CELSR1: variants seen among roughly 807,000 people sequenced by gnomAD.
CELSR1 encodes adhesion G protein-coupled receptor C1.
In CELSR1, 110 loss-of-function variants were observed where a neutral mutation model predicts 249.1. That is an observed-to-expected ratio of 0.44 (90% CI 0.38 to 0.52). CELSR1 has a LOEUF of 0.52. CELSR1 is among the 20% of genes least tolerant of loss of function. The pLI is 0.00. For synonymous variants in CELSR1, 2,113 were observed against 1,900.0 expected (o/e 1.11, Z -2.92); for missense variants, 4,109 against 4,296.4 (o/e 0.96, Z 1.22).
At position 46,398,041 on chromosome 22, in the gene CELSR1, G is replaced by A. The variant is rs1334214265; in HGVS notation, c.5527-193C>T. Among the ~76,000 whole-genome samples, 2 of 152,202 alleles carry A rather than the reference G, an allele frequency of 1.3e-5. No individual in the cohort carries two copies. Among genetic ancestry groups the A allele is most frequent in the Non-Finnish European group, 2.9e-5 (2 of 68,020 alleles). ...GCCGGAGTGCAGTGGAGGGCTGGGTGAGGAGCTCAGAGGGCACGCCAGCCT... is the reference window on the plus strand; with the variant it reads ...GCCGGAGTGCAGTGGAGGGCTGGGTAAGGAGCTCAGAGGGCACGCCAGCCT... On this transcript the variant is annotated intron_variant, in intron 11 of 34. Coordinates refer to ENST00000674500, the MANE Select transcript of CELSR1 (RefSeq NM_001378328.1). This position sits in a 1 kb window ranked among gnomAD's most constrained non-coding sequence, Gnocchi z 7.2.
At position 46,363,561 on chromosome 22, in the gene CELSR1, T is replaced by C. The variant is rs930224194; in HGVS notation, c.9036-314A>G. On this transcript the variant is annotated intron_variant, in intron 34 of 34. Coordinates refer to ENST00000674500, the MANE Select transcript of CELSR1 (RefSeq NM_001378328.1). This position sits in a 1 kb window ranked among gnomAD's most constrained non-coding sequence, Gnocchi z 4.3. ...AAGACCTGGCTTCTCCCTTGTGAGT[T>C]TGGAGGGAGGGAGGGGCGACAGGGA... The C allele has an allele frequency of 1.2e-5, 4 of 347,444 alleles. No homozygotes were observed. The Admixed American group carries it at 1.3e-4, about 11-fold the overall frequency. 21.5% of individuals were successfully genotyped at this position (347,444 alleles called of 1,614,324 possible).
At position 46,526,561 on chromosome 22, in the gene CELSR1, CA is replaced by C. The variant is rs2147804680; in HGVS notation, c.3544+7065del. Among the ~76,000 whole-genome samples the C allele has an allele frequency of 6.6e-6, 1 of 152,330 alleles. No homozygotes were observed. Among genetic ancestry groups the C allele is most frequent in the South Asian group, 2.1e-4 (1 of 4,828 alleles). On this transcript the variant is annotated intron_variant, in intron 1 of 34. Transcript: ENST00000674500. This position sits in a 1 kb window ranked among gnomAD's most constrained non-coding sequence, Gnocchi z 4.7. ...ACCAAGGACCTGCCCTTGGCTAACC[CA>C]TCACATCTCTGTCCCCAGGCTCTCC...
intron 1 of CELSR1, among the ~76,000 whole-genome samples, chr22:46,522,548 T>C (rs1449666803): frequency 1.3e-5 from 2 of 152,250 alleles, no homozygotes; most frequent in African/African-American, 4.8e-5. Flanking sequence ...TGTTGCTAAA[T>C]TGTAGGAGTT....
chr22:46,365,649 C>T lies in CELSR1; in HGVS notation c.8341G>A (p.Val2781Met). The T allele has an allele frequency of 6.3e-7, 1 of 1,588,904 alleles. No homozygotes were observed. The highest frequency in any genetic ancestry group is 2.3e-5 in the East Asian group (1 of 43,956). The change falls in exon 31 of 35, where the codon GTG becomes ATG. Residue 2781 changes from valine to methionine, a missense_variant. Around this residue, in one of 7 missense-constraint regions of CELSR1, gnomAD observed 1,805 missense variants for 1,831.6 expected, o/e 0.99. Coordinates refer to ENST00000674500, the MANE Select transcript of CELSR1 (RefSeq NM_001378328.1). ...TCTGGCTCTCCGTGGCTGCCCCTCA[C>T]CAGCCCAGAGGACACGCCGAGCTTC... ...IQKLGVSSGL[V>M]RGSHGEPDAS...
At chr22:46,371,769 A>T (rs1327587883) in intron 25 of CELSR1, among the ~76,000 whole-genome samples, 3 of 145,688 alleles carry the variant, frequency 2.1e-5, no homozygotes, top group Non-Finnish European at 4.5e-5. Context: ...CCACCTATTC[A>T]TCCACTCACA....
Position 46,537,153 on chromosome 22 carries a change from C to A in CELSR1, c.18G>T (p.Pro6=). 9.8e-7 allele frequency: 1 copy of A among 1,016,190 alleles called. No homozygotes were observed. The highest frequency in any genetic ancestry group is 1.2e-6 in the Non-Finnish European group (1 of 854,716). 62.9% of individuals were successfully genotyped at this position (1,016,190 alleles called of 1,614,324 possible). ...GGAGCAGCAGCACGGGCAGCACGGG[C>A]GGCGGCGGCGGCGCCATGGCCCGGA... MAPPP[P]PVLPVLLLLA... The change falls in exon 1 of 35, where the codon CCG becomes CCT. Residue 6 remains proline (P), a synonymous_variant. Transcript: ENST00000674500. The surrounding 1 kb of genome is among the most constrained non-coding windows in gnomAD (Gnocchi z 5.8).
chr22:46,364,517 C>G lies in CELSR1; in HGVS notation c.8774G>C (p.Arg2925Thr). 6.2e-7 allele frequency: 1 copy of G among 1,609,708 alleles called. No homozygotes were observed. Reference protein sequence around the residue: ...RLASSQPPEQRKGILKNKVTY... With the variant: ...RLASSQPPEQTKGILKNKVTY... ...GCCCCGGCCTCCCCAGGCACCTTTCCTCTGCTCTGGGGGCTGGCTGCTAGC... is the reference window on the plus strand; with the variant it reads ...GCCCCGGCCTCCCCAGGCACCTTTCGTCTGCTCTGGGGGCTGGCTGCTAGC... The change falls in exon 33 of 35, where the codon AGG becomes ACG. Residue 2925 changes from arginine (R) to threonine (T), a missense_variant. By Grantham distance (71) the Arg-to-Thr change is moderately conservative. Around this residue, in one of 7 missense-constraint regions of CELSR1, gnomAD observed 1,805 missense variants for 1,831.6 expected, o/e 0.99. Transcript: ENST00000674500.
In CELSR1 at chr22:46,477,641, GGGGCTACAGACGT is replaced by G. The variant is rs555685396; in HGVS notation, c.3545-13309_3545-13297del. ...CCCTGCCTCAGCCTCCCAAGTAGCT[GGGGCTACAGACGT>G]GGGCCACCACGCCAGGCTAATTTTT... On this transcript the variant is annotated intron_variant, in intron 1 of 34. Coordinates refer to ENST00000674500, the MANE Select transcript of CELSR1 (RefSeq NM_001378328.1). 3.5e-4 allele frequency among the ~76,000 whole-genome samples: 53 copies of G among 151,868 alleles called. No individual in the cohort carries two copies. In the East Asian group the frequency reaches 0.01, roughly 29 times the overall value.
rs185461693 is a variant in CELSR1, at chr22:46,401,433, C to T, written c.5227-1531G>A. Among the ~76,000 whole-genome samples, 16 of 152,286 alleles carry T rather than the reference C, an allele frequency of 1.1e-4. No individual in the cohort carries two copies. The highest frequency in any genetic ancestry group is 6.5e-4 in the Admixed American group (10 of 15,294). On this transcript the variant is annotated intron_variant, in intron 9 of 34. Coordinates refer to ENST00000674500, the MANE Select transcript of CELSR1 (RefSeq NM_001378328.1). This position sits in a 1 kb window ranked among gnomAD's most constrained non-coding sequence, Gnocchi z 4.7. Reference sequence around the variant, plus strand: ...CAGGCAAAACAGAGTTTCAGGCTCACAACCAAGGAAAAGACAGAATCTGCA... The same window carrying T: ...CAGGCAAAACAGAGTTTCAGGCTCATAACCAAGGAAAAGACAGAATCTGCA...
intron 5 of CELSR1, among the ~76,000 whole-genome samples, chr22:46,420,777 C>T (rs1002551233): frequency 6.6e-6 from 1 of 152,166 alleles, no homozygotes; most frequent in Non-Finnish European, 1.5e-5. Context: ...CCCTGATGAC[C>T]TTTCTGACCA....
chr22:46,403,631 T>C (rs992004885), intron 9 of CELSR1, among the ~76,000 whole-genome samples: 7 of 151,910 alleles, frequency 4.6e-5, no homozygotes, highest in Non-Finnish European at 1.0e-4. Flanking sequence ...TTGATGTATA[T>C]AGAACAGTAC....
chr22:46,386,424 G>A lies in CELSR1; in HGVS notation c.6717C>T (p.Phe2239=), dbSNP rs201075603. ...TACTCATGTTGGCGGTGACGATGAC[G>A]AAGGGCCGCAGGTACGTCCGCCGCA... ...RNVRRTYLRP[F]VIVTANMILA... Residue 2239 remains phenylalanine (F), a synonymous_variant, in exon 19 of 35, where the codon TTC becomes TTT. Coordinates refer to ENST00000674500, the MANE Select transcript of CELSR1 (RefSeq NM_001378328.1). 10 of 1,584,966 alleles carry A rather than the reference G, an allele frequency of 6.3e-6. No homozygotes were observed. The highest frequency in any genetic ancestry group is 4.6e-5 in the South Asian group (4 of 87,896).
intron 25 of CELSR1, among the ~76,000 whole-genome samples, chr22:46,371,830 C>G (rs372067684): frequency 1.3e-5 from 2 of 149,512 alleles, no homozygotes; most frequent in East Asian, 4.0e-4. Context: ...CTCTCCATCC[C>G]TCCATCCATC....
chr22:46,432,484 C>T (rs915300521), intron 5 of CELSR1, among the ~76,000 whole-genome samples: 7 of 152,152 alleles, frequency 4.6e-5, no homozygotes, highest in Admixed American at 3.3e-4. Context: ...CAGGAGGAGC[C>T]GGTAAGACCC....
At chr22:46,379,044 G>A (rs573653048) in intron 22 of CELSR1, among the ~76,000 whole-genome samples, 2 of 152,338 alleles carry the variant, frequency 1.3e-5, no homozygotes, top group East Asian at 1.9e-4. Context: ...CAAGTTCTAC[G>A]TGCCATCTAG....
rs1036893088 is a variant in CELSR1, at chr22:46,490,644, A to C, written c.3545-26299T>G. Reference sequence around the variant, plus strand: ...GAGCGTCGTGGAGCCTCCCTCAGGCATGGCTGTGAGCGCCACAGCTGCAGA... The same window carrying C: ...GAGCGTCGTGGAGCCTCCCTCAGGCCTGGCTGTGAGCGCCACAGCTGCAGA... On this transcript the variant is annotated intron_variant, in intron 1 of 34. Transcript: ENST00000674500. The surrounding 1 kb of genome is among the most constrained non-coding windows in gnomAD (Gnocchi z 5.2). 6.6e-6 allele frequency among the ~76,000 whole-genome samples: 1 copy of C among 151,964 alleles called. No individual in the cohort carries two copies. The highest frequency in any genetic ancestry group is 1.5e-5 in the Non-Finnish European group (1 of 67,980).
In CELSR1 at chr22:46,440,208, G is replaced by A. The variant is rs981541745; in HGVS notation, c.4184-797C>T. Among the ~76,000 whole-genome samples the A allele has an allele frequency of 3.9e-5, 6 of 152,074 alleles. No homozygotes were observed. Among genetic ancestry groups the A allele is most frequent in the South Asian group, 2.1e-4 (1 of 4,810 alleles). Reference sequence around the variant, plus strand: ...ATCTGCTCGGAGGGTCTCAGTGTTCGCCATGCTTCGACCCAGTTGTTCCTG... The same window carrying A: ...ATCTGCTCGGAGGGTCTCAGTGTTCACCATGCTTCGACCCAGTTGTTCCTG... On this transcript the variant is annotated intron_variant, in intron 2 of 34. Coordinates refer to ENST00000674500, the MANE Select transcript of CELSR1 (RefSeq NM_001378328.1). The surrounding 1 kb of genome is among the most constrained non-coding windows in gnomAD (Gnocchi z 4.7).
At chr22:46,524,256 G>A (rs9615378) in intron 1 of CELSR1, among the ~76,000 whole-genome samples, 43,020 of 152,128 alleles carry the variant, frequency 0.28, 7,271 homozygotes, top group African/African-American at 0.47. Flanking sequence ...CAGGCACCGC[G>A]GTGGTGGGAA....
intron 1 of CELSR1, among the ~76,000 whole-genome samples, chr22:46,494,282 T>C (rs978721467): frequency 1.3e-5 from 2 of 152,202 alleles, no homozygotes; most frequent in Admixed American, 6.6e-5. Context: ...ACCTCAGCTC[T>C]TCCTCAAAGT....
Sources: allele counts gnomAD v4.1 joint callset (sites outside exome capture counted in the v4.1 genomes callset), GRCh38; gene constraint gnomAD v4.1.1; regional missense constraint gnomAD v4.1.1; non-coding constraint Gnocchi (gnomAD v3.1); transcripts MANE v1.5; gene names NCBI Gene and HGNC (gene_info 2026-07-23, HGNC 2026-07-21).